Variants in MBP observed in about 807,000 individuals in gnomAD.
MBP encodes the protein myelin basic protein, also known as Golli-MBP.
MBP carries 16 observed loss-of-function variants against 35.8 expected under a neutral mutation model. The ratio of observed to expected loss-of-function variants is 0.45; its 90% CI spans 0.30 to 0.68. The LOEUF is 0.68. Ranked by LOEUF, MBP falls within the 30% of genes least tolerant of loss-of-function variation. The pLI, the probability that MBP is intolerant of heterozygous loss-of-function variation, is 0.08. For synonymous variants in MBP, 143 were observed against 159.6 expected, an observed-to-expected ratio of 0.90 and a Z score of 0.78; for missense variants, 380 against 404.7, an observed-to-expected ratio of 0.94 and a Z score of 0.52.
chr18:77,023,692 G>T lies in MBP; in HGVS notation c.140-6424C>A, dbSNP rs576282287. Among the ~76,000 whole-genome samples the T allele has an allele frequency of 3.3e-5, 5 of 152,264 alleles. No homozygotes were observed. In the East Asian group the frequency reaches 9.7e-4, roughly 29 times the overall value. On this transcript the variant is annotated intron_variant, in intron 3 of 8. Transcript: ENST00000355994. ...CGTGGCGCCATGTGCAATGCTGCAG[G>T]CCCTTGACCTCTGTGGTCTCAACAA...
chr18:77,041,676 G>C (rs1000799630), intron 3 of MBP, among the ~76,000 whole-genome samples: 1 of 150,912 alleles, frequency 6.6e-6, no homozygotes, highest in Non-Finnish European at 1.5e-5. Context: ...ACTATCACAA[G>C]CACAAAAAAC....
intron 7 of MBP, chr18:76,987,702 G>C (rs903960341): frequency 1.0e-6 from 1 of 994,788 alleles, no homozygotes; most frequent in Non-Finnish European, 1.2e-6. Flanking sequence ...TCTACAATAC[G>C]TTGGTGGTTA....
chr18:77,000,711 T>TTTTTTG (rs553786594), intron 4 of MBP, among the ~76,000 whole-genome samples: 9 of 152,270 alleles, frequency 5.9e-5, no homozygotes, highest in African/African-American at 1.4e-4. Flanking sequence ...TGTTGTTGTT[T>TTTTTTG]TTTTTGTTTT....
At chr18:77,039,176 C>T (rs1972886931) in intron 3 of MBP, among the ~76,000 whole-genome samples, 1 of 152,244 alleles carries the variant, frequency 6.6e-6, no homozygotes, top group South Asian at 2.1e-4. Context: ...CAAGCAGAGG[C>T]TCCACAGAGA....
At chr18:77,014,877 A>G (rs1361088462) in intron 4 of MBP, 1 of 984,680 alleles carries the variant, frequency 1.0e-6, no homozygotes, top group East Asian at 1.1e-4. Context: ...AACACTCCAT[A>G]GTGAAAAGAA....
intron 3 of MBP, among the ~76,000 whole-genome samples, chr18:77,018,277 C>T (rs904983330): frequency 1.3e-5 from 2 of 148,534 alleles, no homozygotes; most frequent in Non-Finnish European, 3.0e-5. Flanking sequence ...TCTATCCACT[C>T]ATCCATCCAT....
chr18:77,130,145 C>T (rs950483018), intron 1 of MBP, among the ~76,000 whole-genome samples: 13 of 151,854 alleles, frequency 8.6e-5, no homozygotes, highest in Non-Finnish European at 1.9e-4. Context: ...TGAACAAAGA[C>T]GGATGACAGT....
chr18:77,015,014 T>C lies in MBP; in HGVS notation c.576+1818A>G, dbSNP rs141646568. 1,144 of 984,388 alleles carry C rather than the reference T, an allele frequency of 1.2e-3. 14 individuals are homozygous for C. The African/African-American group carries it at 0.019, about 16-fold the overall frequency. The allele number at this position is 984,388 out of a possible 1,614,324, so 61.0% of individuals were successfully genotyped here. On this transcript the variant is annotated intron_variant, in intron 4 of 8. Transcript: ENST00000355994. ...CCCTGTTTTGCAAAGAGATGGACTA[T>C]TTCTGAGACTAGAATGTTTTCTTTG...
chr18:77,068,572 A>T (rs1974305992), intron 2 of MBP, among the ~76,000 whole-genome samples: 2 of 152,288 alleles, frequency 1.3e-5, no homozygotes, highest in Middle Eastern at 3.4e-3. Flanking sequence ...GTGTTGCCTG[A>T]TTCTAGAATG....
rs1013740683 is a variant in MBP at position 77,101,477 on chromosome 18, A to G, written c.51+3734T>C. Among the ~76,000 whole-genome samples, 1 of 152,194 alleles carries G rather than the reference A, an allele frequency of 6.6e-6. No individual in the cohort carries two copies. Among genetic ancestry groups the G allele is most frequent in the Non-Finnish European group, 1.5e-5 (1 of 68,020 alleles). ...CTGGAGGAAGTTACACTCCATCCGC[A>G]TGAGTGAATCATGAGTCAGGAGGGC... On this transcript the variant is annotated intron_variant, in intron 2 of 8. Coordinates refer to ENST00000355994, the MANE Select transcript of MBP (RefSeq NM_001025101.2). The surrounding 1 kb of genome is among the most constrained non-coding windows in gnomAD (Gnocchi z 4.3).
intron 4 of MBP, among the ~76,000 whole-genome samples, chr18:77,001,257 G>A (rs1970617498): frequency 6.6e-6 from 1 of 152,240 alleles, no homozygotes; most frequent in Admixed American, 6.5e-5. Flanking sequence ...TGGGGCTTGG[G>A]GGTTCCTCGC....
chr18:77,096,592 G>C (rs1599237631), intron 2 of MBP, among the ~76,000 whole-genome samples: 1 of 152,120 alleles, frequency 6.6e-6, no homozygotes, highest in East Asian at 1.9e-4. Flanking sequence ...TTCTTAAGCT[G>C]ATTAAATAGA....
intron 4 of MBP, chr18:77,012,995 C>T (rs1599061719): frequency 1.9e-5 from 19 of 985,302 alleles, no homozygotes; most frequent in Middle Eastern, 5.2e-4. Flanking sequence ...AATTAACTAT[C>T]GTCTATTCAT....
chr18:77,115,868 C>G (rs920271097), intron 1 of MBP: 1 of 149,956 alleles, frequency 6.7e-6, no homozygotes, highest in African/African-American at 2.5e-5. Context: ...TTTTCCAGAG[C>G]CTTCCAGGTT....
intron 3 of MBP, among the ~76,000 whole-genome samples, chr18:77,039,181 C>T (rs1164921330): frequency 6.6e-6 from 1 of 152,236 alleles, no homozygotes; most frequent in Admixed American, 6.5e-5. Context: ...AGAGGCTCCA[C>T]AGAGACTGCG....
intron 2 of MBP, chr18:77,087,654 C>T (rs1975307492): frequency 6.6e-6 from 1 of 152,278 alleles, no homozygotes; most frequent in Non-Finnish European, 1.5e-5. Context: ...GCAAACACCG[C>T]AGGAGGAGGG....
chr18:77,099,697 T>A (rs1256390446), intron 2 of MBP, among the ~76,000 whole-genome samples: 2 of 152,164 alleles, frequency 1.3e-5, no homozygotes, highest in African/African-American at 4.8e-5. Flanking sequence ...ATGAAGATGA[T>A]CCTTTGAGGG....
rs779713588 is a variant in MBP, at chr18:77,022,385, G to A, written c.140-5117C>T. Among the ~76,000 whole-genome samples, 5 of 152,182 alleles carry A rather than the reference G, an allele frequency of 3.3e-5. No homozygotes were observed. In the East Asian group the frequency reaches 5.8e-4, roughly 18 times the overall value. ...CGGAAAAGGCAGGACCAGGTGGGGC[G>A]GGAGACTTCGGTGGCACCGTTCTTC... is the stretch of plus-strand genomic sequence containing the variant. On this transcript the variant is annotated intron_variant, in intron 3 of 8. Transcript: ENST00000355994.
At chr18:77,030,407 A>C (rs1427513779) in intron 3 of MBP, among the ~76,000 whole-genome samples, 1 of 152,186 alleles carries the variant, frequency 6.6e-6, no homozygotes, top group Non-Finnish European at 1.5e-5. Flanking sequence ...ACGGGAAGGG[A>C]CAGGAAGGGA....
Sources: gnomAD v4.1 joint callset for allele counts (sites outside exome capture counted in the v4.1 genomes callset) on GRCh38, gnomAD v4.1.1 for gene constraint, Gnocchi (gnomAD v3.1) non-coding constraint, MANE v1.5 for transcripts, NCBI Gene and HGNC (gene_info 2026-07-23, HGNC 2026-07-21) for gene names.